Variants in UBE2H observed in about 807,000 individuals in gnomAD.
UBE2H encodes the protein ubiquitin conjugating enzyme E2 H, also known as ubiquitin-conjugating enzyme E2 H.
A neutral mutation model predicts 29.0 loss-of-function variants in UBE2H; 3 were observed. The observed-to-expected ratio is 0.10, with a 90% CI of 0.05 to 0.27. The LOEUF (loss-of-function observed/expected upper bound fraction) is 0.27, where lower values mean the gene tolerates loss of function less well. Ranked by LOEUF, UBE2H falls within the 10% of genes least tolerant of loss-of-function variation. The probability of loss-of-function intolerance (pLI) is 1.00; values close to 1 mark genes in which losing one functional copy is unlikely to be tolerated. For missense variants in UBE2H, 68 were observed against 228.2 expected, an observed-to-expected ratio of 0.30 and a Z score of 4.52; for synonymous variants, 69 against 82.9, an observed-to-expected ratio of 0.83 and a Z score of 0.91.
intron 1 of UBE2H, among the ~76,000 whole-genome samples, chr7:129,926,770 C>T (rs1430518413): frequency 6.6e-6 from 1 of 152,256 alleles, no homozygotes; most frequent in South Asian, 2.1e-4. Context: ...TAAGTGATCA[C>T]ACCTCCAGAA....
chr7:129,927,212 G>T (rs1584790944), intron 1 of UBE2H, among the ~76,000 whole-genome samples: 1 of 152,182 alleles, frequency 6.6e-6, no homozygotes, highest in East Asian at 1.9e-4. Flanking sequence ...ATAGAATTCA[G>T]TAACTTTTTT....
intron 1 of UBE2H, among the ~76,000 whole-genome samples, chr7:129,942,212 CAAAAAA>C (rs966117564): frequency 2.7e-5 from 1 of 36,750 alleles, no homozygotes; most frequent in African/African-American, 1.2e-4. Context: ...GACTCGGTCT[CAAAAAA>C]AAAAAAAAAA....
rs754364573 is a variant in UBE2H, at chr7:129,883,908, T to G, written c.54-2937A>C. 6.8e-4 allele frequency among the ~76,000 whole-genome samples: 103 copies of G among 152,086 alleles called. 1 individual carries two copies. The highest frequency in any genetic ancestry group is 3.4e-3 in the Middle Eastern group (1 of 294). ...ACACATAATGTATGGGTTTTACAGATTTCATCAATGAACTACAAAAATAAT... is the reference window on the plus strand; with the variant it reads ...ACACATAATGTATGGGTTTTACAGAGTTCATCAATGAACTACAAAAATAAT... On this transcript the variant is annotated intron_variant, in intron 1 of 6. Coordinates refer to ENST00000355621, the MANE Select transcript of UBE2H (RefSeq NM_003344.4).
At position 129,907,468 on chromosome 7, in the gene UBE2H, T is replaced by C. The variant is rs1018250085; in HGVS notation, c.54-26497A>G. 3.9e-5 allele frequency among the ~76,000 whole-genome samples: 6 copies of C among 152,206 alleles called. No homozygotes were observed. The East Asian group carries it at 9.6e-4, about 24-fold the overall frequency. On this transcript the variant is annotated intron_variant, in intron 1 of 6. Transcript: ENST00000355621. Reference sequence around the variant, plus strand: ...ATGCAGCAACTGTGCCTAGAACCAGTTGATCAGTTTTATTGCAATAAGAGG... The same window carrying C: ...ATGCAGCAACTGTGCCTAGAACCAGCTGATCAGTTTTATTGCAATAAGAGG...
chr7:129,933,165 A>G (rs1226762530), intron 1 of UBE2H, among the ~76,000 whole-genome samples: 2 of 152,330 alleles, frequency 1.3e-5, no homozygotes, highest in East Asian at 3.9e-4. Context: ...AAAAGGCCAC[A>G]TACTTTTATG....
intron 1 of UBE2H, among the ~76,000 whole-genome samples, chr7:129,920,900 G>T (rs902293662): frequency 6.7e-6 from 1 of 150,204 alleles, no homozygotes; most frequent in Admixed American, 6.6e-5. Flanking sequence ...GGTGTTGGCC[G>T]GGCACAGTGG....
chr7:129,841,793 T>G (rs1191988721), intron 5 of UBE2H, among the ~76,000 whole-genome samples: 2 of 152,192 alleles, frequency 1.3e-5, no homozygotes, highest in South Asian at 2.1e-4. Context: ...AAGGTTCTCA[T>G]GTACCACGAA....
intron 1 of UBE2H, among the ~76,000 whole-genome samples, chr7:129,901,331 A>AT (rs1352783328): frequency 4.6e-5 from 7 of 152,150 alleles, no homozygotes; most frequent in Admixed American, 4.6e-4. Flanking sequence ...GCCTCTCTCT[A>AT]TCAAGACCAC....
chr7:129,847,006 AATTATT>A (rs748391223), intron 5 of UBE2H, among the ~76,000 whole-genome samples: 45 of 148,688 alleles, frequency 3.0e-4, no homozygotes, highest in Admixed American at 4.1e-4. Flanking sequence ...GTCATCCTAT[AATTATT>A]ATTATTATTA....
chr7:129,873,425 C>CTTTTTT (rs373132869), intron 3 of UBE2H, among the ~76,000 whole-genome samples: 3 of 122,978 alleles, frequency 2.4e-5, no homozygotes, highest in Admixed American at 8.5e-5. Flanking sequence ...ACATCAAATT[C>CTTTTTT]TTTTTTTTTT....
chr7:129,905,715 T>C (rs62491528), intron 1 of UBE2H, among the ~76,000 whole-genome samples: 3,584 of 152,316 alleles, frequency 0.024, 57 homozygotes, highest in Non-Finnish European at 0.035. Context: ...CCAATGTTTC[T>C]GGCTTGAGTT....
intron 1 of UBE2H, among the ~76,000 whole-genome samples, chr7:129,894,415 G>A (rs1258155481): frequency 1.3e-5 from 2 of 151,850 alleles, no homozygotes; most frequent in Non-Finnish European, 2.9e-5. Context: ...ACTCCAGCCT[G>A]AGCAACAGAA....
chr7:129,843,983 A>G (rs908765852), intron 5 of UBE2H, among the ~76,000 whole-genome samples: 1 of 152,228 alleles, frequency 6.6e-6, no homozygotes, highest in African/African-American at 2.4e-5. Flanking sequence ...CGTGTCCCAG[A>G]AAGAGATTTT....
chr7:129,893,234 A>G (rs1474196486), intron 1 of UBE2H, among the ~76,000 whole-genome samples: 2 of 152,208 alleles, frequency 1.3e-5, no homozygotes, highest in Non-Finnish European at 2.9e-5. Context: ...TGCTTCATTT[A>G]GAGTTTCTAT....
intron 1 of UBE2H, among the ~76,000 whole-genome samples, chr7:129,894,378 T>A (rs904160856): frequency 1.3e-5 from 2 of 151,806 alleles, no homozygotes; most frequent in African/African-American, 4.8e-5. Flanking sequence ...GAGGTCAAGG[T>A]TGCAGTGAAC....
chr7:129,907,898 G>C (rs1806852474), intron 1 of UBE2H, among the ~76,000 whole-genome samples: 1 of 152,160 alleles, frequency 6.6e-6, no homozygotes, highest in South Asian at 2.1e-4. Context: ...ATATTTGATA[G>C]CTGAGATTAA....
chr7:129,911,215 A>C (rs1178777825), intron 1 of UBE2H, among the ~76,000 whole-genome samples: 1 of 151,890 alleles, frequency 6.6e-6, no homozygotes, highest in Non-Finnish European at 1.5e-5. Flanking sequence ...ATACAAAAAA[A>C]AAGTTAGCCA....
At chr7:129,929,481 A>C (rs1807343735) in intron 1 of UBE2H, among the ~76,000 whole-genome samples, 1 of 152,206 alleles carries the variant, frequency 6.6e-6, no homozygotes, top group South Asian at 2.1e-4. Context: ...ACACCAAGAA[A>C]GAAAAAAGCT....
At chr7:129,946,056 TA>T (rs66759251) in intron 1 of UBE2H, among the ~76,000 whole-genome samples, 134,830 of 148,252 alleles carry the variant, frequency 0.91, 61,511 homozygotes, top group East Asian at 0.97. Context: ...TAGTCATTAT[TA>T]TTTTTTTTTT....
Sources: gnomAD v4.1 joint callset for allele counts (sites outside exome capture counted in the v4.1 genomes callset) on GRCh38, gnomAD v4.1.1 for gene constraint, MANE v1.5 for transcripts, NCBI Gene and HGNC (gene_info 2026-07-23, HGNC 2026-07-21) for gene names.